GRID2: variants seen among roughly 807,000 people sequenced by gnomAD.
GRID2 encodes the protein glutamate ionotropic receptor delta type subunit 2, also known as glutamate receptor ionotropic, delta-2.
A neutral mutation model predicts 114.8 loss-of-function variants in GRID2; 33 were observed. The ratio of observed to expected loss-of-function variants is 0.29; its 90% CI spans 0.22 to 0.38. The LOEUF (loss-of-function observed/expected upper bound fraction) is 0.38. Among genes scored for constraint, GRID2 ranks in the 10% least tolerant of loss-of-function variants. The probability of loss-of-function intolerance (pLI) is 1.00; values close to 1 mark genes in which losing one functional copy is unlikely to be tolerated. For synonymous variants in GRID2, 505 were observed against 449.9 expected (o/e 1.12, Z -1.55); for missense variants, 1,184 against 1,257.7 (o/e 0.94, Z 0.89).
chr4:92,783,497 A>T (rs889979652), intron 2 of GRID2, among the ~76,000 whole-genome samples: 2 of 152,134 alleles, frequency 1.3e-5, no homozygotes, highest in Non-Finnish European at 2.9e-5. Context: ...AATTAATTCA[A>T]ATATTAAGAA....
intron 2 of GRID2, among the ~76,000 whole-genome samples, chr4:92,923,058 A>T (rs557845179): frequency 6.6e-6 from 1 of 152,330 alleles, no homozygotes; most frequent in African/African-American, 2.4e-5. Flanking sequence ...TCAATAAAAA[A>T]GTTGTTTTAA....
intron 2 of GRID2, among the ~76,000 whole-genome samples, chr4:92,624,720 C>A (rs1321937374): frequency 6.6e-6 from 1 of 151,670 alleles, no homozygotes; most frequent in Non-Finnish European, 1.5e-5. Context: ...GTTAAAATAT[C>A]CCCATACTCT....
intron 1 of GRID2, among the ~76,000 whole-genome samples, chr4:92,330,023 G>GAGAGAGAGAGAGAGAGAGAGAC (rs1726800264): frequency 6.7e-6 from 1 of 150,012 alleles, no homozygotes; most frequent in Non-Finnish European, 1.5e-5. Flanking sequence ...GAGAGAGAGA[G>GAGAGAGAGAGAGAGAGAGAGAC]AGAAACATGC....
chr4:92,977,602 T>C (rs543344061), intron 2 of GRID2, among the ~76,000 whole-genome samples: 1 of 152,198 alleles, frequency 6.6e-6, no homozygotes, highest in Non-Finnish European at 1.5e-5. Flanking sequence ...TTATAGAGAA[T>C]GTTCTGACTA....
At chr4:92,536,528 G>A (rs1017659443) in intron 1 of GRID2, among the ~76,000 whole-genome samples, 1 of 152,082 alleles carries the variant, frequency 6.6e-6, no homozygotes, top group African/African-American at 2.4e-5. Flanking sequence ...TTACATAAGT[G>A]CTTAAAGAAT....
At chr4:93,527,456 A>G (rs75892048) in intron 13 of GRID2, among the ~76,000 whole-genome samples, 4,655 of 152,190 alleles carry the variant, frequency 0.031, 103 homozygotes, top group Non-Finnish European at 0.047. Flanking sequence ...GTTTTACAGA[A>G]AATAACTGGC....
At chr4:92,602,026 T>C (rs905124972) in intron 2 of GRID2, among the ~76,000 whole-genome samples, 5 of 151,496 alleles carry the variant, frequency 3.3e-5, no homozygotes, top group African/African-American at 1.2e-4. Context: ...ATAAATAGCC[T>C]CTCAAGGAAA....
intron 2 of GRID2, among the ~76,000 whole-genome samples, chr4:92,916,753 T>A (rs1005709999): frequency 7.2e-5 from 11 of 152,328 alleles, no homozygotes; most frequent in African/African-American, 2.6e-4. Flanking sequence ...CTTAATCCAG[T>A]CTATCATTGT....
At chr4:92,345,425 A>G (rs1361780629) in intron 1 of GRID2, among the ~76,000 whole-genome samples, 1 of 152,184 alleles carries the variant, frequency 6.6e-6, no homozygotes, top group Non-Finnish European at 1.5e-5. Context: ...ACGTGTGTGC[A>G]TCTGTCTTTT....
chr4:93,438,489 G>GA (rs1014087623), intron 10 of GRID2, among the ~76,000 whole-genome samples: 62 of 152,096 alleles, frequency 4.1e-4, no homozygotes, highest in African/African-American at 1.5e-3. Context: ...TTACAAAAGA[G>GA]AAAAATGTGA....
chr4:93,485,438 A>G (rs1396887106), intron 11 of GRID2, among the ~76,000 whole-genome samples: 1 of 151,702 alleles, frequency 6.6e-6, no homozygotes, highest in Non-Finnish European at 1.5e-5. Flanking sequence ...TGCTGTGTTT[A>G]ATAAATCCTT....
In GRID2 at chr4:92,546,768, A is replaced by G. The variant is rs1726284100; in HGVS notation, c.89-43363A>G. Among the ~76,000 whole-genome samples the G allele has an allele frequency of 2.6e-5, 4 of 152,190 alleles. No homozygotes were observed. In the South Asian group the frequency reaches 6.2e-4, roughly 24 times the overall value. ...TAGGATTCCTAGTCTTACTATTATG[A>G]TATATACTGCCTACAAAGGAAAAAA... On this transcript the variant is annotated intron_variant, in intron 1 of 15. Coordinates refer to ENST00000282020, the MANE Select transcript of GRID2 (RefSeq NM_001510.4).
chr4:93,220,790 A>G (rs1324769824), intron 6 of GRID2, among the ~76,000 whole-genome samples: 1 of 152,204 alleles, frequency 6.6e-6, no homozygotes, highest in African/African-American at 2.4e-5. Flanking sequence ...GGAACTGTCT[A>G]TGGTCATTCA....
At chr4:93,665,976 A>G (rs1052695131) in intron 14 of GRID2, among the ~76,000 whole-genome samples, 1 of 152,032 alleles carries the variant, frequency 6.6e-6, no homozygotes, top group African/African-American at 2.4e-5. Flanking sequence ...CACTTTTCTT[A>G]TCAGAATCGG....
intron 13 of GRID2, among the ~76,000 whole-genome samples, chr4:93,525,287 A>T (rs1435657142): frequency 6.6e-6 from 1 of 152,150 alleles, no homozygotes; most frequent in Non-Finnish European, 1.5e-5. Flanking sequence ...ATAACAAAAA[A>T]ATGGGATAGG....
chr4:92,920,448 G>A (rs1749219774), intron 2 of GRID2, among the ~76,000 whole-genome samples: 1 of 152,124 alleles, frequency 6.6e-6, no homozygotes, highest in Non-Finnish European at 1.5e-5. Context: ...AGCCTCAATG[G>A]TCTTTACAAT....
At chr4:93,125,926 T>C (rs1178412238) in intron 4 of GRID2, among the ~76,000 whole-genome samples, 1 of 152,204 alleles carries the variant, frequency 6.6e-6, no homozygotes, top group Non-Finnish European at 1.5e-5. Context: ...GAAGATGTCC[T>C]ATTTGATTGC....
chr4:92,382,022 C>T (rs768815466), intron 1 of GRID2, among the ~76,000 whole-genome samples: 18 of 151,640 alleles, frequency 1.2e-4, no homozygotes, highest in Non-Finnish European at 4.4e-5. Context: ...ATTTCTGGCT[C>T]TGTGTAATTG....
intron 2 of GRID2, among the ~76,000 whole-genome samples, chr4:93,028,759 C>T (rs189363660): frequency 6.6e-6 from 1 of 152,120 alleles, no homozygotes; most frequent in African/African-American, 2.4e-5. Flanking sequence ...TTTCATTTTA[C>T]TCCAGGCCTA....
Sources: allele counts gnomAD v4.1 joint callset (sites outside exome capture counted in the v4.1 genomes callset), GRCh38; gene constraint gnomAD v4.1.1; transcripts MANE v1.5; gene names NCBI Gene and HGNC (gene_info 2026-07-23, HGNC 2026-07-21).